ARHGAP25: variants seen among roughly 807,000 people sequenced by gnomAD.
ARHGAP25 encodes the protein Rho GTPase activating protein 25.
In ARHGAP25, 34 loss-of-function variants were observed where a neutral mutation model predicts 71.0. The observed-to-expected ratio is 0.48, with a 90% confidence interval of 0.36 to 0.64. The LOEUF (loss-of-function observed/expected upper bound fraction) is 0.64. Among genes scored for constraint, ARHGAP25 ranks in the 30% least tolerant of loss-of-function variants. ARHGAP25 has a pLI of 0.00. For missense variants in ARHGAP25, 706 were observed against 805.1 expected (o/e 0.88, Z 1.49); for synonymous variants, 282 against 296.5 (o/e 0.95, Z 0.50).
intron 10 of ARHGAP25, among the ~76,000 whole-genome samples, chr2:68,823,493 T>C (rs1225449111): frequency 6.6e-6 from 1 of 151,818 alleles, no homozygotes; most frequent in Non-Finnish European, 1.5e-5. Flanking sequence ...CTGAAGGAGA[T>C]GAGGAGCAAG....
chr2:68,743,575 G>A (rs1225580657), intron 1 of ARHGAP25, among the ~76,000 whole-genome samples: 1 of 152,146 alleles, frequency 6.6e-6, no homozygotes, highest in Non-Finnish European at 1.5e-5. Flanking sequence ...TCATTCAGAA[G>A]CCAGAAATCC....
chr2:68,744,356 T>A (rs1440446459), intron 1 of ARHGAP25, among the ~76,000 whole-genome samples: 1 of 152,220 alleles, frequency 6.6e-6, no homozygotes, highest in African/African-American at 2.4e-5. Context: ...AATTAGTCCC[T>A]CTCCCTTCTG....
At chr2:68,793,051 A>T (rs1179302439) in intron 4 of ARHGAP25, among the ~76,000 whole-genome samples, 1 of 151,894 alleles carries the variant, frequency 6.6e-6, no homozygotes, top group Non-Finnish European at 1.5e-5. Context: ...TTTCATATGC[A>T]TGTTTGTCAT....
intron 1 of ARHGAP25, among the ~76,000 whole-genome samples, chr2:68,760,747 C>T (rs1291711881): frequency 6.6e-6 from 1 of 151,664 alleles, no homozygotes; most frequent in Admixed American, 6.6e-5. Context: ...AGACTTAATA[C>T]TATCCAAACC....
At chr2:68,795,829 A>G (rs759373326) in intron 4 of ARHGAP25, among the ~76,000 whole-genome samples, 2 of 152,166 alleles carry the variant, frequency 1.3e-5, no homozygotes, top group African/African-American at 4.8e-5. Context: ...TTCTGTCTAG[A>G]TGATCTGGGT....
At chr2:68,810,898 C>T (rs531122645) in intron 5 of ARHGAP25, among the ~76,000 whole-genome samples, 61 of 152,114 alleles carry the variant, frequency 4.0e-4, no homozygotes, top group Non-Finnish European at 6.6e-4. Flanking sequence ...CCTGCCACCA[C>T]GCCCAGCCAA....
At chr2:68,732,240 C>T (rs570271195), upstream of ARHGAP25, among the ~76,000 whole-genome samples, 1 of 152,260 alleles carries the variant, frequency 6.6e-6, no homozygotes, top group East Asian at 1.9e-4. Context: ...ATTGCCTTTC[C>T]GCATCTGCAC....
chr2:68,779,145 A>G (rs1447686882), intron 2 of ARHGAP25, among the ~76,000 whole-genome samples: 5 of 152,166 alleles, frequency 3.3e-5, no homozygotes, highest in African/African-American at 9.7e-5. Context: ...GTGGTTGTCT[A>G]CCAGCGGTGT....
At chr2:68,791,070 T>G (rs1162930346) in intron 4 of ARHGAP25, among the ~76,000 whole-genome samples, 1 of 152,200 alleles carries the variant, frequency 6.6e-6, no homozygotes, top group Non-Finnish European at 1.5e-5. Context: ...CTTGGTCCCT[T>G]ACCGTCTTCA....
chr2:68,727,965 G>T (rs1674923871), intron 2 of ARHGAP25, among the ~76,000 whole-genome samples: 1 of 152,234 alleles, frequency 6.6e-6, no homozygotes, highest in Non-Finnish European at 1.5e-5. Context: ...TAGGCAAGGG[G>T]TAGGGGAAAT....
At chr2:68,760,450 A>T (rs958206118) in intron 1 of ARHGAP25, among the ~76,000 whole-genome samples, 1 of 152,082 alleles carries the variant, frequency 6.6e-6, no homozygotes, top group Admixed American at 6.5e-5. Flanking sequence ...TAAGGATTCG[A>T]CCAAAAAGCT....
rs1558646633 is a variant in ARHGAP25, at chr2:68,800,377, CAAAT to C, written c.467-6895_467-6892del. ...AACCCAGTTTCCTGGAGTTTTCCAGCAAATCTAAGGAAGGGGTTGAGGGTTAAGG... is the reference window on the plus strand; with the variant it reads ...AACCCAGTTTCCTGGAGTTTTCCAGCCTAAGGAAGGGGTTGAGGGTTAAGG... On this transcript the variant is annotated intron_variant, in intron 4 of 10. Coordinates refer to ENST00000409202, the MANE Select transcript of ARHGAP25 (RefSeq NM_001007231.3). 4.8e-3 allele frequency among the ~76,000 whole-genome samples: 729 copies of C among 152,182 alleles called. 15 individuals carry two copies. Among genetic ancestry groups the C allele is most frequent in the Admixed American group, 0.035 (542 of 15,292 alleles).
At chr2:68,800,737 A>G (rs1558646902) in intron 4 of ARHGAP25, among the ~76,000 whole-genome samples, 2 of 152,194 alleles carry the variant, frequency 1.3e-5, no homozygotes, top group Admixed American at 1.3e-4. Context: ...AAAATGGAAC[A>G]ATAATATTTA....
chr2:68,733,925 G>C (rs1312862538), upstream of ARHGAP25, among the ~76,000 whole-genome samples: 1 of 152,162 alleles, frequency 6.6e-6, no homozygotes, highest in African/African-American at 2.4e-5. Flanking sequence ...CCCATCTACA[G>C]ATAAGAATTG....
chr2:68,784,675 C>T (rs13423478), intron 3 of ARHGAP25, among the ~76,000 whole-genome samples: 4 of 152,152 alleles, frequency 2.6e-5, no homozygotes, highest in Non-Finnish European at 5.9e-5. Flanking sequence ...ACTTTATGAT[C>T]TGTTGTTACT....
intron 1 of ARHGAP25, among the ~76,000 whole-genome samples, chr2:68,766,365 A>C (rs142614024): frequency 1.8e-4 from 27 of 152,108 alleles, no homozygotes; most frequent in Non-Finnish European, 3.7e-4. Context: ...CCAAATCTCC[A>C]CTTTGCCTTG....
intron 3 of ARHGAP25, among the ~76,000 whole-genome samples, chr2:68,783,682 C>T (rs1363548818): frequency 3.3e-5 from 5 of 152,078 alleles, no homozygotes; most frequent in Non-Finnish European, 5.9e-5. Flanking sequence ...GGGCTGCTCT[C>T]GAACTTCTGA....
At chr2:68,735,394 C>G (rs1380130965) in intron 1 of ARHGAP25, 134 bp downstream of exon 1, 1 of 941,168 alleles carries the variant, frequency 1.1e-6, no homozygotes, top group Admixed American at 2.1e-5. Flanking sequence ...GGACCATTTG[C>G]ATTTAAGTTG....
At chr2:68,714,067 C>T (rs1558595225) in intron 2 of ARHGAP25, among the ~76,000 whole-genome samples, 1 of 152,092 alleles carries the variant, frequency 6.6e-6, no homozygotes, top group Admixed American at 6.6e-5. Context: ...ATGGTACCAG[C>T]TCCTCTTTGT....
Sources: gnomAD v4.1 joint callset for allele counts (sites outside exome capture counted in the v4.1 genomes callset) on GRCh38, gnomAD v4.1.1 for gene constraint, MANE v1.5 for transcripts, NCBI Gene and HGNC (gene_info 2026-07-23, HGNC 2026-07-21) for gene names.